Variants in CCSAP observed in about 807,000 individuals in gnomAD.
CCSAP encodes the protein centriole, cilia and spindle associated protein.
A neutral mutation model predicts 25.9 loss-of-function variants in CCSAP; 17 were observed. The observed-to-expected ratio is 0.66, with a 90% CI of 0.45 to 0.99. The LOEUF (loss-of-function observed/expected upper bound fraction) is 0.99, where lower values mean the gene tolerates loss of function less well. Among genes scored for constraint, CCSAP ranks in the 50% least tolerant of loss-of-function variants. CCSAP has a pLI of 0.00. For synonymous variants in CCSAP, 169 were observed against 157.1 expected (o/e 1.08, Z -0.57); for missense variants, 339 against 367.8 (o/e 0.92, Z 0.64).
intron 2 of CCSAP, among the ~76,000 whole-genome samples, chr1:229,333,268 T>TAA (rs1341601473): frequency 1.3e-5 from 2 of 149,956 alleles, no homozygotes; most frequent in African/African-American, 4.9e-5. Flanking sequence ...CCGTCTCTAC[T>TAA]AAAAATACAA....
At chr1:229,337,867 A>C (rs962723022) in intron 2 of CCSAP, among the ~76,000 whole-genome samples, 8 of 151,170 alleles carry the variant, frequency 5.3e-5, no homozygotes, top group Non-Finnish European at 1.2e-4. Context: ...AGAAATAAGA[A>C]ACTGTGATAG....
rs981338475 is a variant in CCSAP at position 229,325,178 on chromosome 1, G to A, written c.*57C>T. The A allele has an allele frequency of 1.4e-6, 2 of 1,476,968 alleles. No homozygotes were observed. Among genetic ancestry groups the A allele is most frequent in the African/African-American group, 2.8e-5 (2 of 70,616 alleles). The allele number at this position is 1,476,968 out of a possible 1,614,324, so 91.5% of individuals were successfully genotyped here. A position where few individuals can be genotyped will look rare whatever the true frequency, so the allele number is the denominator to read the frequency against. On this transcript the variant is annotated 3_prime_UTR_variant, in exon 4 of 4. Coordinates refer to ENST00000284617, the MANE Select transcript of CCSAP (RefSeq NM_145257.5). ...CGTTTCTTTTGATGGTTTTTGTTTT[G>A]TTTTTCCTTTCAGTCATTTACACTT...
Position 229,342,535 on chromosome 1 carries a change from A to C in CCSAP, c.-48-22T>G, listed in dbSNP as rs1658364854. ...CAGCCTACGGGACCCGGTACACGAC[A>C]CAGAGGCCGCCCCGCCCCTCCGCCG... On this transcript the variant is annotated intron_variant, in intron 1 of 3. Coordinates refer to ENST00000284617, the MANE Select transcript of CCSAP (RefSeq NM_145257.5). The surrounding 1 kb of genome is among the most constrained non-coding windows in gnomAD (Gnocchi z 7.5). The C allele has an allele frequency of 9.4e-7, 1 of 1,061,094 alleles. No individual in the cohort carries two copies. The highest frequency in any genetic ancestry group is 3.3e-4 in the Middle Eastern group (1 of 2,996). 65.7% of individuals were successfully genotyped at this position (1,061,094 alleles called of 1,614,324 possible).
chr1:229,335,004 G>A (rs550227777), intron 2 of CCSAP, among the ~76,000 whole-genome samples: 9 of 152,166 alleles, frequency 5.9e-5, no homozygotes, highest in Non-Finnish European at 1.3e-4. Flanking sequence ...CTCCAGGACA[G>A]AAGCTGAGCC....
At position 229,325,424 on chromosome 1, in the gene CCSAP, CA is replaced by C. The variant is rs748692796; in HGVS notation, c.637-14del. Reference sequence around the variant, plus strand: ...CTGATTCATGAATCTAAAGAGAGTTCAAAATAAAGGATAGTAACTTAAGGGG... The same window carrying C: ...CTGATTCATGAATCTAAAGAGAGTTCAAATAAAGGATAGTAACTTAAGGGG... On this transcript the variant is annotated splice_polypyrimidine_tract_variant and intron_variant, in intron 3 of 3. Coordinates refer to ENST00000284617, the MANE Select transcript of CCSAP (RefSeq NM_145257.5). 3 of 1,607,658 alleles carry C rather than the reference CA, an allele frequency of 1.9e-6. No individual in the cohort carries two copies. The Admixed American group carries it at 5.1e-5, about 28-fold the overall frequency.
At chr1:229,336,455 C>T (rs1658198312) in intron 2 of CCSAP, among the ~76,000 whole-genome samples, 1 of 152,078 alleles carries the variant, frequency 6.6e-6, no homozygotes, top group African/African-American at 2.4e-5. Flanking sequence ...CACCTCTGTT[C>T]CCAGGATGCT....
chr1:229,342,305 G>T lies in CCSAP; in HGVS notation c.161C>A (p.Pro54Gln). The change falls in exon 2 of 4, where the codon CCG becomes CAG. Residue 54 changes from proline to glutamine, a missense_variant. Pro to Gln is a moderately conservative substitution (Grantham distance 76). Coordinates refer to ENST00000284617, the MANE Select transcript of CCSAP (RefSeq NM_145257.5). The surrounding 1 kb of genome is among the most constrained non-coding windows in gnomAD (Gnocchi z 7.5). ...HAPWLWDDWG[P>Q]AGSSEDSASS... ...CGCCGAGTCCTCCGAGGAGCCGGCC[G>T]GGCCCCAGTCGTCCCAGAGCCAGGG... The T allele has an allele frequency of 6.9e-7, 1 of 1,447,972 alleles. No individual in the cohort carries two copies. The allele number at this position is 1,447,972 out of a possible 1,614,324, so 89.7% of individuals were successfully genotyped here.
chr1:229,336,335 G>A (rs558450225), intron 2 of CCSAP, among the ~76,000 whole-genome samples: 1 of 151,834 alleles, frequency 6.6e-6, no homozygotes, highest in African/African-American at 2.4e-5. Flanking sequence ...GGGGAGGCTT[G>A]GACTTCAGAT....
At chr1:229,341,526 G>A (rs1658334969) in intron 2 of CCSAP, among the ~76,000 whole-genome samples, 1 of 152,242 alleles carries the variant, frequency 6.6e-6, no homozygotes, top group Non-Finnish European at 1.5e-5. Context: ...AGGGACGGAA[G>A]GGGAGAGGCC....
Position 229,327,019 on chromosome 1 carries a change from G to T in CCSAP, c.368-13C>A, listed in dbSNP as rs375086826. The T allele has an allele frequency of 1.2e-4, 193 of 1,574,304 alleles. No individual in the cohort carries two copies. The highest frequency in any genetic ancestry group is 1.5e-4 in the Non-Finnish European group (175 of 1,162,770). ...TTCACTGGCAGTGCTTTTGAAAAGA[G>T]ATAAATGAGATGAAAATACTTTGAA... On this transcript the variant is annotated splice_polypyrimidine_tract_variant and intron_variant, in intron 2 of 3. Transcript: ENST00000284617.
chr1:229,337,207 A>T (rs1425294226), intron 2 of CCSAP, among the ~76,000 whole-genome samples: 1 of 152,060 alleles, frequency 6.6e-6, no homozygotes, highest in African/African-American at 2.4e-5. Context: ...CACACCACAA[A>T]ATTTCAGAAC....
Position 229,342,355 on chromosome 1 carries a change from G to T in CCSAP, c.111C>A (p.Arg37=). 1 of 1,507,986 alleles carries T rather than the reference G, an allele frequency of 6.6e-7. No individual in the cohort carries two copies. The allele number at this position is 1,507,986 out of a possible 1,614,324, so 93.4% of individuals were successfully genotyped here. A position where few individuals can be genotyped will look rare whatever the true frequency, so the allele number is the denominator to read the frequency against. The part of the protein sequence containing the change: ...YRELLHYRLG[R]RLLEQAHAPW... ...GCGCGTGCGCCTGCTCCAGCAGCCGGCGGCCTAGGCGGTAGTGCAGCAGCT... is the reference window on the plus strand; with the variant it reads ...GCGCGTGCGCCTGCTCCAGCAGCCGTCGGCCTAGGCGGTAGTGCAGCAGCT... The change falls in exon 2 of 4, where the codon CGC becomes CGA. Residue 37 remains arginine, a synonymous_variant. Coordinates refer to ENST00000284617, the MANE Select transcript of CCSAP (RefSeq NM_145257.5). This position sits in a 1 kb window ranked among gnomAD's most constrained non-coding sequence, Gnocchi z 7.5.
intron 2 of CCSAP, among the ~76,000 whole-genome samples, chr1:229,336,955 T>C (rs2102697867): frequency 6.6e-6 from 1 of 152,102 alleles, no homozygotes; most frequent in African/African-American, 2.4e-5. Context: ...ATTGAAGGGT[T>C]CTCCCAGAAA....
At chr1:229,326,458 C>T (rs1657942900) in intron 3 of CCSAP, among the ~76,000 whole-genome samples, 1 of 152,214 alleles carries the variant, frequency 6.6e-6, no homozygotes, top group African/African-American at 2.4e-5. Context: ...ACTTGTGAAC[C>T]CCAACTCCAT....
chr1:229,330,794 G>A (rs959781000), intron 2 of CCSAP, among the ~76,000 whole-genome samples: 1 of 148,652 alleles, frequency 6.7e-6, no homozygotes, highest in Non-Finnish European at 1.5e-5. Flanking sequence ...GCAGTGAGCC[G>A]AGATCGTGCC....
intron 2 of CCSAP, among the ~76,000 whole-genome samples, chr1:229,336,221 C>A (rs1473402989): frequency 6.6e-6 from 1 of 150,838 alleles, no homozygotes; most frequent in Non-Finnish European, 1.5e-5. Context: ...TTTTGTTACA[C>A]AGCAATTGAC....
intron 2 of CCSAP, among the ~76,000 whole-genome samples, chr1:229,340,791 C>G (rs111755601): frequency 1.8e-4 from 28 of 152,316 alleles, no homozygotes; most frequent in African/African-American, 6.7e-4. Context: ...CCTCCTCAGC[C>G]TCTCACAGAG....
rs1658007058 is a variant in CCSAP at position 229,328,971 on chromosome 1, C to T, written c.368-1965G>A. ...GCTGGGGATGAGGCAGGACACCAGC[C>T]TTCCATTTCATGAGACGATATCCAT... is the stretch of plus-strand genomic sequence containing the variant. On this transcript the variant is annotated intron_variant, in intron 2 of 3. Coordinates refer to ENST00000284617, the MANE Select transcript of CCSAP (RefSeq NM_145257.5). Among the ~76,000 whole-genome samples, 3 of 152,340 alleles carry T rather than the reference C, an allele frequency of 2.0e-5. No homozygotes were observed. In the South Asian group the frequency reaches 6.2e-4, roughly 32 times the overall value.
At chr1:229,327,561 G>A (rs1000803239) in intron 2 of CCSAP, 2 of 456,124 alleles carry the variant, frequency 4.4e-6, no homozygotes, top group African/African-American at 4.0e-5. Flanking sequence ...GGCATTCCCT[G>A]TGGGAAGAGT....
Sources: allele counts gnomAD v4.1 joint callset (sites outside exome capture counted in the v4.1 genomes callset), GRCh38; gene constraint gnomAD v4.1.1; non-coding constraint Gnocchi (gnomAD v3.1); transcripts MANE v1.5; gene names NCBI Gene and HGNC (gene_info 2026-07-23, HGNC 2026-07-21).